Variants in L3MBTL4 observed in about 807,000 individuals in gnomAD.
The protein encoded by L3MBTL4 is L3MBTL histone methyl-lysine binding protein 4, also known as lethal(3)malignant brain tumor-like protein 4.
Under a neutral mutation model 84.5 loss-of-function variants are expected in L3MBTL4, and 70 were observed. That is an observed-to-expected ratio of 0.83 (90% confidence interval 0.68 to 1.01). The LOEUF (loss-of-function observed/expected upper bound fraction) is 1.01, where lower values mean the gene tolerates loss of function less well. L3MBTL4 is among the 50% of genes least tolerant of loss of function. The pLI, the probability that L3MBTL4 is intolerant of heterozygous loss-of-function variation, is 0.00. For synonymous variants in L3MBTL4, 274 were observed against 259.8 expected, an observed-to-expected ratio of 1.05 and a Z score of -0.52; for missense variants, 715 against 754.8, an observed-to-expected ratio of 0.95 and a Z score of 0.62.
At chr18:6,151,060 A>G (rs2042874501) in intron 13 of L3MBTL4, among the ~76,000 whole-genome samples, 1 of 152,150 alleles carries the variant, frequency 6.6e-6, no homozygotes, top group Admixed American at 6.5e-5. Flanking sequence ...CTGGGAGTCT[A>G]CTAGAAGAAA....
chr18:6,341,890 G>A lies in L3MBTL4; in HGVS notation c.-90-29834C>T, dbSNP rs372736262. Among the ~76,000 whole-genome samples, 22 of 151,878 alleles carry A rather than the reference G, an allele frequency of 1.4e-4. No homozygotes were observed. The South Asian group carries it at 4.6e-3, about 32-fold the overall frequency. ...AAAAAAAGAAGTTTGAAAGTAGTAA[G>A]AGAAAAACAACTCATCACATATAAG... On this transcript the variant is annotated intron_variant, in intron 1 of 18. Transcript: ENST00000317931.
chr18:6,291,808 G>A (rs956184021), intron 4 of L3MBTL4, among the ~76,000 whole-genome samples: 2 of 152,174 alleles, frequency 1.3e-5, no homozygotes, highest in African/African-American at 4.8e-5. Context: ...TTCTTTGTAA[G>A]ACCTCAAAAG....
At chr18:6,172,061 G>T in intron 12 of L3MBTL4, 119 bp from the exon 13 acceptor site, 1 of 536,826 alleles carries the variant, frequency 1.9e-6, no homozygotes, top group South Asian at 2.6e-5. Flanking sequence ...ATCACACCTT[G>T]CAGTTGAAAT....
chr18:6,056,117 G>C (rs1280956829), intron 16 of L3MBTL4, among the ~76,000 whole-genome samples: 2 of 151,902 alleles, frequency 1.3e-5, no homozygotes, highest in Non-Finnish European at 2.9e-5. Flanking sequence ...AAGGAATCTG[G>C]GCTGTAAAAT....
intron 16 of L3MBTL4, among the ~76,000 whole-genome samples, chr18:6,071,172 C>T (rs2057581007): frequency 6.6e-6 from 1 of 151,994 alleles, no homozygotes; most frequent in Admixed American, 6.5e-5. Flanking sequence ...GGGGAGATCA[C>T]TTGAGGCTAG....
chr18:6,212,165 GT>G (rs1454444885), intron 12 of L3MBTL4, among the ~76,000 whole-genome samples: 1 of 152,102 alleles, frequency 6.6e-6, no homozygotes, highest in Admixed American at 6.5e-5. Flanking sequence ...ATTTAACATA[GT>G]TTTTGTTTTC....
intron 1 of L3MBTL4, among the ~76,000 whole-genome samples, chr18:6,333,693 C>T (rs903561774): frequency 2.0e-5 from 3 of 148,072 alleles, no homozygotes; most frequent in African/African-American, 7.8e-5. Flanking sequence ...ATAGCTCCAG[C>T]CGTAAGAGAA....
chr18:6,238,685 T>G (rs1337888210), intron 9 of L3MBTL4, among the ~76,000 whole-genome samples: 1 of 152,186 alleles, frequency 6.6e-6, no homozygotes, highest in Non-Finnish European at 1.5e-5. Context: ...CCAATCAGAC[T>G]CCAGATGACA....
At position 6,195,506 on chromosome 18, in the gene L3MBTL4, C is replaced by T. The variant is rs146041484; in HGVS notation, c.981+17643G>A. On this transcript the variant is annotated intron_variant, in intron 12 of 18. Transcript: ENST00000317931. Reference sequence around the variant, plus strand: ...GCAGGATATTTTCTGACATGAATTCCATGTGGGGCAGATAGACTGGCATAA... The same window carrying T: ...GCAGGATATTTTCTGACATGAATTCTATGTGGGGCAGATAGACTGGCATAA... 4.9e-3 allele frequency among the ~76,000 whole-genome samples: 752 copies of T among 152,234 alleles called. 4 individuals carry two copies. The highest frequency in any genetic ancestry group is 0.017 in the African/African-American group (690 of 41,540).
intron 15 of L3MBTL4, among the ~76,000 whole-genome samples, chr18:6,087,386 G>A (rs574851413): frequency 6.6e-6 from 1 of 152,120 alleles, no homozygotes; most frequent in Non-Finnish European, 1.5e-5. Context: ...AAATTCTTTG[G>A]CATTGGTGTC....
chr18:5,958,177 C>A (rs34210439), intron 18 of L3MBTL4, among the ~76,000 whole-genome samples: 12 of 146,158 alleles, frequency 8.2e-5, no homozygotes, highest in Admixed American at 1.4e-4. Context: ...AAGAAGAAGA[C>A]GACGAAGAAG....
intron 17 of L3MBTL4, among the ~76,000 whole-genome samples, chr18:5,967,334 G>T (rs1305136366): frequency 1.3e-5 from 2 of 152,154 alleles, no homozygotes; most frequent in African/African-American, 4.8e-5. Context: ...TGAGTAAAAT[G>T]GGAAAGTGAG....
At chr18:6,121,604 A>G (rs1244305552) in intron 14 of L3MBTL4, among the ~76,000 whole-genome samples, 1 of 151,878 alleles carries the variant, frequency 6.6e-6, no homozygotes, top group African/African-American at 2.4e-5. Context: ...ACAGCCCTAC[A>G]CACCAAAGGG....
chr18:6,064,783 T>C (rs2057347260), intron 16 of L3MBTL4, among the ~76,000 whole-genome samples: 1 of 152,036 alleles, frequency 6.6e-6, no homozygotes, highest in Admixed American at 6.6e-5. Context: ...CATATTATCA[T>C]ATCATTGATG....
At chr18:6,015,176 C>T (rs1402901943) in intron 16 of L3MBTL4, among the ~76,000 whole-genome samples, 2 of 152,106 alleles carry the variant, frequency 1.3e-5, no homozygotes, top group Non-Finnish European at 2.9e-5. Flanking sequence ...TCTGCACAAA[C>T]ACTGCTAACT....
intron 14 of L3MBTL4, among the ~76,000 whole-genome samples, chr18:6,118,993 C>CTTTT (rs779523685): frequency 2.9e-3 from 244 of 83,656 alleles, no homozygotes; most frequent in Middle Eastern, 9.1e-3. Flanking sequence ...TTTTTGGTTT[C>CTTTT]TTTTTTTTTT....
At chr18:5,994,708 C>T (rs1416741038) in intron 16 of L3MBTL4, among the ~76,000 whole-genome samples, 1 of 152,124 alleles carries the variant, frequency 6.6e-6, no homozygotes, top group Non-Finnish European at 1.5e-5. Context: ...AAGAGGTCAC[C>T]TCCAGGAGGT....
intron 1 of L3MBTL4, among the ~76,000 whole-genome samples, chr18:6,323,794 G>A (rs1333078298): frequency 1.3e-5 from 2 of 152,236 alleles, no homozygotes; most frequent in East Asian, 3.8e-4. Context: ...GAAAAGAAAA[G>A]ACCATTTTCA....
intron 4 of L3MBTL4, among the ~76,000 whole-genome samples, chr18:6,270,713 G>A (rs2048829612): frequency 6.6e-6 from 1 of 152,212 alleles, no homozygotes; most frequent in Admixed American, 6.5e-5. Flanking sequence ...AGTCTGGGAA[G>A]GGTTCAGCAC....
Sources: allele counts gnomAD v4.1 joint callset (sites outside exome capture counted in the v4.1 genomes callset), GRCh38; gene constraint gnomAD v4.1.1; transcripts MANE v1.5; gene names NCBI Gene and HGNC (gene_info 2026-07-23, HGNC 2026-07-21).